The following RUFY3 variants were observed in gnomAD, a reference collection of about 807,000 sequenced individuals.
RUFY3 encodes protein RUFY3.
In RUFY3, 34 loss-of-function variants were observed where a neutral mutation model predicts 84.0. That is an observed-to-expected ratio of 0.40 (90% CI 0.31 to 0.54). The LOEUF is 0.54. Ranked by LOEUF, RUFY3 falls within the 20% of genes least tolerant of loss-of-function variation. RUFY3 has a pLI of 0.39. For synonymous variants in RUFY3, 242 were observed against 252.9 expected (o/e 0.96, Z 0.41); for missense variants, 507 against 736.8 (o/e 0.69, Z 3.61).
At chr4:70,752,371 T>C (rs887626471) in intron 1 of RUFY3, among the ~76,000 whole-genome samples, 22 of 152,168 alleles carry the variant, frequency 1.4e-4, no homozygotes, top group Admixed American at 1.1e-3. Context: ...TCTGCAAATA[T>C]AGTTTTACTT....
At position 70,806,844 on chromosome 4, in the gene RUFY3, CTG is replaced by C. The variant is rs1358070036; in HGVS notation, c.*187_*188del. 3.4e-6 allele frequency: 2 copies of C among 591,164 alleles called. No homozygotes were observed. Among genetic ancestry groups the C allele is most frequent in the South Asian group, 2.8e-5 (1 of 35,976 alleles). The allele number at this position is 591,164 out of a possible 1,614,324, so 36.6% of individuals were successfully genotyped here. On this transcript the variant is annotated 3_prime_UTR_variant, in exon 18 of 18. Transcript: ENST00000381006. ...AAATTTTGCTCATTTTCTCTAATGA[CTG>C]TATGAATAAAAGTGAACTTACTTGA...
intron 15 of RUFY3, among the ~76,000 whole-genome samples, chr4:70,800,465 C>T (rs1159224815): frequency 6.6e-6 from 1 of 152,218 alleles, no homozygotes; most frequent in African/African-American, 2.4e-5. Context: ...CAGATTATCA[C>T]TTAAGAGGTT....
At chr4:70,783,291 C>T (rs1729244599) in intron 9 of RUFY3, 108 bp downstream of exon 9, 1 of 700,470 alleles carries the variant, frequency 1.4e-6, no homozygotes, top group Admixed American at 2.8e-5. Flanking sequence ...GTATCAAGCA[C>T]ACTTTTTATT....
At chr4:70,788,415 A>G (rs1730271929) in intron 10 of RUFY3, among the ~76,000 whole-genome samples, 1 of 152,000 alleles carries the variant, frequency 6.6e-6, no homozygotes, top group Non-Finnish European at 1.5e-5. Context: ...CAACATTCAC[A>G]TTTAGGAGGA....
At chr4:70,714,291 T>C (rs1035075460) in intron 1 of RUFY3, among the ~76,000 whole-genome samples, 6 of 152,146 alleles carry the variant, frequency 3.9e-5, no homozygotes, top group African/African-American at 7.2e-5. Flanking sequence ...AATGCCCTAT[T>C]TACTAAAAAT....
chr4:70,793,228 T>C (rs1228689061), intron 12 of RUFY3: 1 of 986,122 alleles, frequency 1.0e-6, no homozygotes, highest in Admixed American at 6.1e-5. Flanking sequence ...TGACAAAGGC[T>C]TTTCCTTATA....
At chr4:70,805,733 ATTC>A (rs1488496237) in intron 17 of RUFY3, among the ~76,000 whole-genome samples, 3 of 152,204 alleles carry the variant, frequency 2.0e-5, no homozygotes, top group Non-Finnish European at 4.4e-5. Context: ...TCAGACAAAA[ATTC>A]TTCTTAGGCT....
At position 70,761,663 on chromosome 4, in the gene RUFY3, T is replaced by C. The variant is rs1725056453; in HGVS notation, c.179-856T>C. ...CAATAAATGAAGGTAATGAGTACAA[T>C]AAAATGTGTCACTTAGCCCCTTTCC... On this transcript the variant is annotated intron_variant, in intron 1 of 17. Transcript: ENST00000381006. 2.0e-5 allele frequency among the ~76,000 whole-genome samples: 3 copies of C among 152,164 alleles called. No homozygotes were observed. In the South Asian group the frequency reaches 6.2e-4, roughly 32 times the overall value.
intron 1 of RUFY3, among the ~76,000 whole-genome samples, chr4:70,707,001 A>G (rs993168815): frequency 6.6e-6 from 1 of 152,262 alleles, no homozygotes; most frequent in Non-Finnish European, 1.5e-5. Flanking sequence ...CAGTTATGGT[A>G]CAAGGTTTGA....
chr4:70,802,370 G>C (rs2148821068), intron 15 of RUFY3, among the ~76,000 whole-genome samples: 1 of 152,268 alleles, frequency 6.6e-6, no homozygotes, highest in Middle Eastern at 3.4e-3. Context: ...ACCGAGAGCG[G>C]GCTTTGCTTC....
chr4:70,774,563 C>T (rs551627706), intron 6 of RUFY3, among the ~76,000 whole-genome samples: 3 of 129,186 alleles, frequency 2.3e-5, no homozygotes, highest in Non-Finnish European at 4.7e-5. Flanking sequence ...TGCAGTGAGC[C>T]GAAATCACAC....
In RUFY3 at chr4:70,763,681, G is replaced by T. The variant is rs770618377; in HGVS notation, c.470+12G>T. 1.2e-6 allele frequency: 2 copies of T among 1,603,158 alleles called. No individual in the cohort carries two copies. Among genetic ancestry groups the T allele is most frequent in the South Asian group, 2.3e-5 (2 of 88,266 alleles). On this transcript the variant is annotated intron_variant, in intron 3 of 17. Transcript: ENST00000381006. ...CTTCCAGGACTTAAGTAAGTCTAAGGTTGAATTCCATTTCTCAGGAACAGC... is the reference window on the plus strand; with the variant it reads ...CTTCCAGGACTTAAGTAAGTCTAAGTTTGAATTCCATTTCTCAGGAACAGC...
chr4:70,793,096 A>G, intron 12 of RUFY3: 2 of 985,378 alleles, frequency 2.0e-6, no homozygotes, highest in South Asian at 9.4e-5. Context: ...GTAGAAGAAA[A>G]CATCCATCAG....
chr4:70,804,523 T>C (rs1352753754), intron 17 of RUFY3, 107 bp downstream of exon 17: 10 of 869,432 alleles, frequency 1.2e-5, no homozygotes, highest in Non-Finnish European at 1.9e-5. Flanking sequence ...GCAGAGTGCA[T>C]GCAGAGTGCT....
chr4:70,761,791 G>A (rs1725075562), intron 1 of RUFY3, among the ~76,000 whole-genome samples: 1 of 152,194 alleles, frequency 6.6e-6, no homozygotes, highest in Admixed American at 6.5e-5. Flanking sequence ...TACTAATAAT[G>A]CTAGTGCATA....
At chr4:70,772,604 T>C (rs984956641) in intron 5 of RUFY3, among the ~76,000 whole-genome samples, 3 of 152,198 alleles carry the variant, frequency 2.0e-5, no homozygotes, top group African/African-American at 7.2e-5. Flanking sequence ...TATGTTTTAT[T>C]CTGGTAAAAT....
chr4:70,709,041 G>C (rs1028817116), intron 1 of RUFY3, among the ~76,000 whole-genome samples: 7 of 152,174 alleles, frequency 4.6e-5, no homozygotes, highest in African/African-American at 1.4e-4. Context: ...CATGGTAATA[G>C]AGCGAGATGC....
intron 1 of RUFY3, chr4:70,741,561 C>A: frequency 1.5e-6 from 2 of 1,348,344 alleles, no homozygotes; most frequent in Non-Finnish European, 2.0e-6. Flanking sequence ...TTTTTAATAG[C>A]ACTTTTCTTT....
rs1185282481 is a variant in RUFY3, at chr4:70,807,687, G to A, written c.*1028G>A. Among the ~76,000 whole-genome samples the A allele has an allele frequency of 1.4e-5, 2 of 147,790 alleles. No individual in the cohort carries two copies. The highest frequency in any genetic ancestry group is 5.1e-5 in the African/African-American group (2 of 39,512). ...GCTTTTTTTTTTTTTTTTTGGCCGG[G>A]GAGGGGGTCTCATTGGTTGCTCAGC... On this transcript the variant is annotated 3_prime_UTR_variant, in exon 18 of 18. Transcript: ENST00000381006.
Sources: allele counts gnomAD v4.1 joint callset (sites outside exome capture counted in the v4.1 genomes callset), GRCh38; gene constraint gnomAD v4.1.1; transcripts MANE v1.5; gene names NCBI Gene and HGNC (gene_info 2026-07-23, HGNC 2026-07-21).